The following GRIK1 variants were observed in gnomAD, a reference collection of about 807,000 sequenced individuals.
GRIK1 encodes the protein glutamate ionotropic receptor kainate type subunit 1.
In GRIK1, 69 loss-of-function variants were observed where a neutral mutation model predicts 105.7. The observed-to-expected ratio is 0.65, with a 90% CI of 0.54 to 0.80. GRIK1 has a LOEUF of 0.80. Among genes scored for constraint, GRIK1 ranks in the 30% least tolerant of loss-of-function variants. GRIK1 has a pLI of 0.00. For synonymous variants in GRIK1, 438 were observed against 431.3 expected, an observed-to-expected ratio of 1.02 and a Z score of -0.19; for missense variants, 1,109 against 1,167.3, an observed-to-expected ratio of 0.95 and a Z score of 0.73.
rs555456415 is a variant in GRIK1, at chr21:29,905,035, G to A, written c.118+34348C>T. On this transcript the variant is annotated intron_variant, in intron 1 of 17. Transcript: ENST00000327783. The stretch of plus-strand genomic sequence containing the variant: ...TCTCTGAGCCTCCGAGCGGTCTCAT[G>A]ATCCTAGGCAGTGTGAAACATACTG... Among the ~76,000 whole-genome samples the A allele has an allele frequency of 2.0e-5, 3 of 152,278 alleles. No homozygotes were observed. The East Asian group carries it at 5.8e-4, about 29-fold the overall frequency.
At chr21:29,886,536 GAC>G (rs1200968210) in intron 1 of GRIK1, among the ~76,000 whole-genome samples, 2 of 152,084 alleles carry the variant, frequency 1.3e-5, no homozygotes, top group Non-Finnish European at 2.9e-5. Context: ...TCTATTGAAT[GAC>G]TTCTATTCTA....
chr21:29,629,444 G>C (rs76091604), intron 7 of GRIK1, among the ~76,000 whole-genome samples: 3,919 of 152,070 alleles, frequency 0.026, 49 homozygotes, highest in East Asian at 0.058. Flanking sequence ...TTGCTAAATG[G>C]GTTGTTGGAA....
chr21:29,894,124 G>A lies in GRIK1; in HGVS notation c.118+45259C>T, dbSNP rs1336080954. Among the ~76,000 whole-genome samples the A allele has an allele frequency of 2.3e-4, 35 of 152,164 alleles. 1 individual carries two copies. The highest frequency in any genetic ancestry group is 1.5e-5 in the Non-Finnish European group (1 of 68,036). On this transcript the variant is annotated intron_variant, in intron 1 of 17. Transcript: ENST00000327783. Reference sequence around the variant, plus strand: ...ATTGATGAAGAAGGGCCTTGTATTAGTCAGGGTTCTCTAGAGGGACAGAAC... The same window carrying A: ...ATTGATGAAGAAGGGCCTTGTATTAATCAGGGTTCTCTAGAGGGACAGAAC...
At chr21:29,768,785 C>T (rs1251805149) in intron 1 of GRIK1, among the ~76,000 whole-genome samples, 2 of 152,190 alleles carry the variant, frequency 1.3e-5, no homozygotes, top group Non-Finnish European at 2.9e-5. Flanking sequence ...ACCATACACA[C>T]ATTTTCTGTC....
intron 1 of GRIK1, among the ~76,000 whole-genome samples, chr21:29,826,749 G>C (rs1035031995): frequency 2.0e-5 from 3 of 152,080 alleles, no homozygotes; most frequent in African/African-American, 7.2e-5. Context: ...TATGGAGAGA[G>C]AGAGAGAAAT....
intron 1 of GRIK1, among the ~76,000 whole-genome samples, chr21:29,850,058 C>A (rs2068256408): frequency 6.6e-6 from 1 of 152,200 alleles, no homozygotes; most frequent in Admixed American, 6.5e-5. Context: ...CTTAAAATAG[C>A]ATATGCCCGT....
rs532177212 is a variant in GRIK1, at chr21:29,789,653, C to A, written c.119-95590G>T. Among the ~76,000 whole-genome samples, 28 of 152,264 alleles carry A rather than the reference C, an allele frequency of 1.8e-4. 1 individual carries two copies. Among genetic ancestry groups the A allele is most frequent in the Admixed American group, 1.7e-3 (26 of 15,290 alleles). On this transcript the variant is annotated intron_variant, in intron 1 of 17. Coordinates refer to ENST00000327783, the MANE Select transcript of GRIK1 (RefSeq NM_001330994.2). ...TACCCCTTCCCTTATCGCAGTAACC[C>A]TGTTATTGCAAAAGTCCTTTCAAAT...
intron 14 of GRIK1, among the ~76,000 whole-genome samples, chr21:29,568,170 CCAAA>C (rs1005072684): frequency 2.0e-5 from 3 of 152,144 alleles, no homozygotes; most frequent in Non-Finnish European, 4.4e-5. Context: ...AGATTTCTTC[CCAAA>C]CAAATACACT....
At chr21:29,798,725 C>T (rs909973154) in intron 1 of GRIK1, among the ~76,000 whole-genome samples, 2 of 152,208 alleles carry the variant, frequency 1.3e-5, no homozygotes, top group African/African-American at 2.4e-5. Flanking sequence ...AAATACTCCT[C>T]GGCATGTCCA....
At chr21:29,717,957 A>G (rs2064219541) in intron 1 of GRIK1, among the ~76,000 whole-genome samples, 1 of 152,014 alleles carries the variant, frequency 6.6e-6, no homozygotes, top group Non-Finnish European at 1.5e-5. Context: ...GGGGGTGGTT[A>G]CCCTATGCTG....
At position 29,689,997 on chromosome 21, in the gene GRIK1, G is replaced by A; in HGVS notation, c.287-12C>T. On this transcript the variant is annotated splice_polypyrimidine_tract_variant and intron_variant, in intron 2 of 17. Transcript: ENST00000327783. ...CAGCTGGTCACATGCTGATGCCCAA[G>A]GACAAGGAGAGGATGGGGAGGGAGG... is the stretch of plus-strand genomic sequence containing the variant. 1 of 1,607,036 alleles carries A rather than the reference G, an allele frequency of 6.2e-7. No individual in the cohort carries two copies. Among genetic ancestry groups the A allele is most frequent in the Middle Eastern group, 1.7e-4 (1 of 6,016 alleles).
chr21:29,544,821 CAAG>C (rs1357668253), intron 16 of GRIK1, among the ~76,000 whole-genome samples: 1 of 152,158 alleles, frequency 6.6e-6, no homozygotes, highest in Non-Finnish European at 1.5e-5. Flanking sequence ...TAGCTGCTCT[CAAG>C]GAGAAAAGTT....
rs529244438 is a variant in GRIK1, at chr21:29,543,945, C to T, written c.2608-6061G>A. ...GTAGACTTCATGAACTCCTTTTTCC[C>T]GTGTTTGCTAATGTCATGTTTTCAT... On this transcript the variant is annotated intron_variant, in intron 16 of 17. Coordinates refer to ENST00000327783, the MANE Select transcript of GRIK1 (RefSeq NM_001330994.2). 4.6e-5 allele frequency among the ~76,000 whole-genome samples: 7 copies of T among 152,236 alleles called. No individual in the cohort carries two copies. In the South Asian group the frequency reaches 1.0e-3, roughly 23 times the overall value.
In GRIK1 at chr21:29,670,365, A is replaced by G. The variant is rs363556; in HGVS notation, c.726+2618T>C. Among the ~76,000 whole-genome samples the G allele has an allele frequency of 4.6e-3, 694 of 152,316 alleles. 6 individuals are homozygous for G. Among genetic ancestry groups the G allele is most frequent in the East Asian group, 0.031 (160 of 5,180 alleles). On this transcript the variant is annotated intron_variant, in intron 4 of 17. Transcript: ENST00000327783. ...TCCTACTCCCCGCTGTACCAGCTAG[A>G]CATTTCTTGAGAGTGCCATTCTTGG...
At chr21:29,810,965 G>A (rs2066994410) in intron 1 of GRIK1, among the ~76,000 whole-genome samples, 1 of 152,120 alleles carries the variant, frequency 6.6e-6, no homozygotes, top group South Asian at 2.1e-4. Flanking sequence ...TAAAAGGGAA[G>A]ATATCTTTAA....
chr21:29,826,143 G>A (rs1435191900), intron 1 of GRIK1, among the ~76,000 whole-genome samples: 1 of 152,042 alleles, frequency 6.6e-6, no homozygotes, highest in Non-Finnish European at 1.5e-5. Flanking sequence ...GTGACGATCT[G>A]TATATTGGTC....
At chr21:29,751,843 G>A (rs185814962) in intron 1 of GRIK1, among the ~76,000 whole-genome samples, 2 of 152,226 alleles carry the variant, frequency 1.3e-5, no homozygotes, top group East Asian at 3.9e-4. Context: ...CCCATTATTT[G>A]CCATTCCAAT....
chr21:29,888,246 C>A (rs867002101), intron 1 of GRIK1, among the ~76,000 whole-genome samples: 1 of 73,478 alleles, frequency 1.4e-5, no homozygotes, highest in African/African-American at 4.9e-5. Flanking sequence ...TCCTTCCTTC[C>A]TTCTTTCTTT....
rs1428543011 is a variant in GRIK1, at chr21:29,783,130, T to C, written c.119-89067A>G. Reference sequence around the variant, plus strand: ...CAATAATCTGATATTAGATTTTTTATTTTTATTCTTTGATTTTATTAAAGT... The same window carrying C: ...CAATAATCTGATATTAGATTTTTTACTTTTATTCTTTGATTTTATTAAAGT... On this transcript the variant is annotated intron_variant, in intron 1 of 17. Coordinates refer to ENST00000327783, the MANE Select transcript of GRIK1 (RefSeq NM_001330994.2). Among the ~76,000 whole-genome samples the C allele has an allele frequency of 2.0e-5, 3 of 152,232 alleles. No individual in the cohort carries two copies. The East Asian group carries it at 5.8e-4, about 29-fold the overall frequency.
Sources: allele counts gnomAD v4.1 joint callset (sites outside exome capture counted in the v4.1 genomes callset), GRCh38; gene constraint gnomAD v4.1.1; transcripts MANE v1.5; gene names NCBI Gene and HGNC (gene_info 2026-07-23, HGNC 2026-07-21).